Variants in TMEM108 observed in about 807,000 individuals in gnomAD.
The protein encoded by TMEM108 is cancer/testis antigen 124.
In TMEM108, 12 loss-of-function variants were observed where a neutral mutation model predicts 35.1. The ratio of observed to expected loss-of-function variants is 0.34; its 90% CI spans 0.22 to 0.55. TMEM108 has a LOEUF of 0.55. Among genes scored for constraint, TMEM108 ranks in the 20% least tolerant of loss-of-function variants. The pLI is 0.89. For synonymous variants in TMEM108, 287 were observed against 308.6 expected (o/e 0.93, Z 0.73); for missense variants, 680 against 753.3 (o/e 0.90, Z 1.14).
chr3:133,203,914 C>T (rs1202466713), intron 2 of TMEM108, among the ~76,000 whole-genome samples: 2 of 152,132 alleles, frequency 1.3e-5, no homozygotes, highest in African/African-American at 4.8e-5. Context: ...AGCTGTGACT[C>T]CATCTGGTCA....
chr3:133,260,983 G>GT (rs1946615492), intron 3 of TMEM108, among the ~76,000 whole-genome samples: 1 of 152,182 alleles, frequency 6.6e-6, no homozygotes, highest in African/African-American at 2.4e-5. Flanking sequence ...AACCAGATAG[G>GT]TTTTAGGTCC....
At chr3:133,306,188 G>A (rs1013174943) in intron 3 of TMEM108, among the ~76,000 whole-genome samples, 1 of 152,126 alleles carries the variant, frequency 6.6e-6, no homozygotes, top group Non-Finnish European at 1.5e-5. Context: ...GCCCAACACA[G>A]AGTCACAAAG....
chr3:133,104,898 C>T (rs1168615377), intron 2 of TMEM108, among the ~76,000 whole-genome samples: 1 of 152,166 alleles, frequency 6.6e-6, no homozygotes, highest in African/African-American at 2.4e-5. Context: ...ATTTCCCAGG[C>T]ACAGGCATCT....
intron 3 of TMEM108, among the ~76,000 whole-genome samples, chr3:133,290,759 A>G (rs1685740390): frequency 6.6e-6 from 1 of 152,198 alleles, no homozygotes; most frequent in South Asian, 2.1e-4. Context: ...GCAAAAGAAA[A>G]TGGCGTGTAA....
At chr3:133,118,813 G>C (rs959685685) in intron 2 of TMEM108, among the ~76,000 whole-genome samples, 5 of 152,108 alleles carry the variant, frequency 3.3e-5, no homozygotes, top group East Asian at 1.9e-4. Flanking sequence ...TTTACCGTAG[G>C]GGGTGTGTAA....
At chr3:133,168,717 C>G (rs1945081739) in intron 2 of TMEM108, among the ~76,000 whole-genome samples, 2 of 152,214 alleles carry the variant, frequency 1.3e-5, no homozygotes, top group Admixed American at 6.5e-5. Flanking sequence ...GCAACCCACT[C>G]AGGTCCCCTT....
chr3:133,330,892 G>A (rs2071386123), intron 3 of TMEM108, among the ~76,000 whole-genome samples: 1 of 152,080 alleles, frequency 6.6e-6, no homozygotes, highest in Non-Finnish European at 1.5e-5. Flanking sequence ...AGCATTAGAA[G>A]TTAAAAGTAG....
intron 2 of TMEM108, among the ~76,000 whole-genome samples, chr3:133,099,951 G>T (rs1944066118): frequency 6.6e-6 from 1 of 152,046 alleles, no homozygotes; most frequent in East Asian, 1.9e-4. Context: ...CACATTTTTG[G>T]GTATCTTTTC....
At chr3:133,373,309 A>G (rs1285646273) in intron 3 of TMEM108, among the ~76,000 whole-genome samples, 2 of 150,356 alleles carry the variant, frequency 1.3e-5, no homozygotes, top group Non-Finnish European at 2.9e-5. Context: ...TGATCACGCC[A>G]CTGCACTCTA....
At chr3:133,352,978 A>G (rs569298965) in intron 3 of TMEM108, among the ~76,000 whole-genome samples, 2 of 152,126 alleles carry the variant, frequency 1.3e-5, no homozygotes. Context: ...ACCAGCCCCC[A>G]TCTGGAGGCT....
At chr3:133,258,999 G>A (rs1344130247) in intron 3 of TMEM108, among the ~76,000 whole-genome samples, 1 of 152,098 alleles carries the variant, frequency 6.6e-6, no homozygotes, top group African/African-American at 2.4e-5. Flanking sequence ...TTTTCCCTTG[G>A]TTTATCCTTC....
At chr3:133,312,917 C>T (rs868722454) in intron 3 of TMEM108, among the ~76,000 whole-genome samples, 19 of 152,308 alleles carry the variant, frequency 1.2e-4, no homozygotes, top group African/African-American at 3.1e-4. Flanking sequence ...TCTTACAGAA[C>T]CACAGTAGAA....
intron 2 of TMEM108, among the ~76,000 whole-genome samples, chr3:133,110,598 C>T (rs746338564): frequency 1.3e-5 from 2 of 152,096 alleles, no homozygotes; most frequent in Non-Finnish European, 2.9e-5. Context: ...GTCACATAGC[C>T]AGAGAGTATT....
chr3:133,336,775 G>C (rs992868477), intron 3 of TMEM108, among the ~76,000 whole-genome samples: 1 of 151,942 alleles, frequency 6.6e-6, no homozygotes, highest in African/African-American at 2.4e-5. Context: ...ATGGCTCTTG[G>C]ATAGCATGGC....
At chr3:133,060,540 C>G (rs767102594) in intron 2 of TMEM108, among the ~76,000 whole-genome samples, 1 of 152,174 alleles carries the variant, frequency 6.6e-6, no homozygotes, top group Non-Finnish European at 1.5e-5. Context: ...GTATACCCCC[C>G]AAATTCATGT....
chr3:133,348,762 T>G (rs1185511315), intron 3 of TMEM108, among the ~76,000 whole-genome samples: 1 of 152,008 alleles, frequency 6.6e-6, no homozygotes, highest in Non-Finnish European at 1.5e-5. Context: ...TCCAAGAAAT[T>G]CGGGAATGAG....
intron 3 of TMEM108, among the ~76,000 whole-genome samples, chr3:133,315,053 CA>C (rs1400419206): frequency 6.6e-6 from 1 of 152,070 alleles, no homozygotes; most frequent in Non-Finnish European, 1.5e-5. Context: ...AATATGGAGA[CA>C]ATAGTGGATC....
At chr3:133,285,170 G>A (rs1389405373) in intron 3 of TMEM108, among the ~76,000 whole-genome samples, 2 of 152,022 alleles carry the variant, frequency 1.3e-5, no homozygotes, top group Non-Finnish European at 2.9e-5. Flanking sequence ...GGTGGCTATT[G>A]AGCCCTTGAA....
intron 2 of TMEM108, among the ~76,000 whole-genome samples, chr3:133,171,121 T>G (rs1423006636): frequency 6.6e-6 from 1 of 152,116 alleles, no homozygotes; most frequent in African/African-American, 2.4e-5. Context: ...CACCACCAGA[T>G]AGATGGTGAT....
Sources: gnomAD v4.1 joint callset for allele counts (sites outside exome capture counted in the v4.1 genomes callset) on GRCh38, gnomAD v4.1.1 for gene constraint, MANE v1.5 for transcripts, NCBI Gene and HGNC (gene_info 2026-07-23, HGNC 2026-07-21) for gene names.